The following CPZ variants were observed in gnomAD, a reference collection of about 807,000 sequenced individuals.
CPZ encodes the protein carboxypeptidase Z, also known as VEZT/CPZ fusion.
CPZ carries 103 observed loss-of-function variants against 61.8 expected under a neutral mutation model. That is an observed-to-expected ratio of 1.67 (90% confidence interval 1.42 to 1.96). CPZ has a LOEUF of 1.96. CPZ is among the 30% of genes most tolerant of loss of function. The pLI is 0.00. For missense variants in CPZ, 1,461 were observed against 914.9 expected, an observed-to-expected ratio of 1.60 and a Z score of -7.70; for synonymous variants, 551 against 373.7, an observed-to-expected ratio of 1.47 and a Z score of -5.47.
chr4:8,600,521 CT>C (rs1438557361), intron 2 of CPZ, among the ~76,000 whole-genome samples: 1 of 152,168 alleles, frequency 6.6e-6, no homozygotes, highest in Non-Finnish European at 1.5e-5. Flanking sequence ...AAAGATGGGG[CT>C]TTTGGAGCTA....
At chr4:8,596,080 G>GTT (rs1714155887) in intron 1 of CPZ, among the ~76,000 whole-genome samples, 1 of 150,700 alleles carries the variant, frequency 6.6e-6, no homozygotes, top group East Asian at 2.0e-4. Flanking sequence ...TCAAGATAGA[G>GTT]TCTCTCTGTC....
At chr4:8,607,055 C>T (rs956804456) in intron 6 of CPZ, among the ~76,000 whole-genome samples, 157 bp downstream of exon 6, 2 of 152,188 alleles carry the variant, frequency 1.3e-5, no homozygotes, top group Admixed American at 6.5e-5. Context: ...CACCTCCTTG[C>T]TGGGGTGTTG....
chr4:8,603,954 A>T (rs755621196), intron 3 of CPZ, 22 bp from the exon 4 acceptor site: 5 of 1,607,172 alleles, frequency 3.1e-6, no homozygotes, highest in Non-Finnish European at 4.3e-6. Flanking sequence ...ACACTGACTG[A>T]GCCCCCCCAC....
intron 1 of CPZ, among the ~76,000 whole-genome samples, chr4:8,594,570 G>A (rs910456934): frequency 2.0e-5 from 3 of 152,142 alleles, no homozygotes; most frequent in South Asian, 2.1e-4. Context: ...AGTTGAGGAG[G>A]GGGAGGACTG....
Position 8,612,181 on chromosome 4 carries a change from G to T in CPZ, c.1363+19G>T. On this transcript the variant is annotated intron_variant, in intron 8 of 10. Transcript: ENST00000360986. ...ACGGGAGGTGCGGCTTCCGCAGGGC[G>T]GGACTGGGCGGGGGGTGGGGGGTGC... is the stretch of plus-strand genomic sequence containing the variant. The T allele has an allele frequency of 1.9e-6, 2 of 1,050,312 alleles. No individual in the cohort carries two copies. The highest frequency in any genetic ancestry group is 2.5e-6 in the Non-Finnish European group (2 of 790,342). 65.1% of individuals were successfully genotyped at this position (1,050,312 alleles called of 1,614,324 possible). A position where few individuals can be genotyped will look rare whatever the true frequency, so the allele number is the denominator to read the frequency against.
chr4:8,605,886 T>G (rs950714319), intron 4 of CPZ, 103 bp from the exon 5 acceptor site: 2 of 1,120,614 alleles, frequency 1.8e-6, no homozygotes, highest in Non-Finnish European at 2.6e-6. Flanking sequence ...AAGTATGAAT[T>G]GGTCCCAGCC....
chr4:8,617,506 A>G (rs1400082538), intron 9 of CPZ, among the ~76,000 whole-genome samples: 2 of 152,226 alleles, frequency 1.3e-5, no homozygotes, highest in Admixed American at 1.3e-4. Context: ...AGTCGACATA[A>G]AGATGAATAT....
At chr4:8,609,445 T>C (rs185527213) in intron 7 of CPZ, among the ~76,000 whole-genome samples, 11 of 152,376 alleles carry the variant, frequency 7.2e-5, no homozygotes, top group African/African-American at 2.4e-4. Flanking sequence ...TCATTGACTC[T>C]TGCAGGTAGT....
chr4:8,614,225 C>T, intron 8 of CPZ, 134 bp from the exon 9 acceptor site: 2 of 1,257,660 alleles, frequency 1.6e-6, no homozygotes, highest in Non-Finnish European at 2.2e-6. Flanking sequence ...TGGCTGACAC[C>T]CCGACGTCCC....
intron 9 of CPZ, among the ~76,000 whole-genome samples, chr4:8,616,140 C>T (rs541781408): frequency 7.9e-5 from 12 of 152,354 alleles, no homozygotes; most frequent in Non-Finnish European, 1.6e-4. Context: ...GGGCAGCTCG[C>T]TGGCTGGCTC....
Position 8,601,503 on chromosome 4 carries a change from G to A in CPZ, c.496+6G>A, listed in dbSNP as rs371938466. 2.8e-4 allele frequency: 403 copies of A among 1,462,374 alleles called. No homozygotes were observed. Among genetic ancestry groups the A allele is most frequent in the Non-Finnish European group, 3.2e-4 (351 of 1,105,598 alleles). The allele number at this position is 1,462,374 out of a possible 1,614,324, so 90.6% of individuals were successfully genotyped here. On this transcript the variant is annotated splice_donor_region_variant and intron_variant, in intron 3 of 10. Coordinates refer to ENST00000360986, the MANE Select transcript of CPZ (RefSeq NM_001014447.3). Reference sequence around the variant, plus strand: ...CCCGCTGGAGAAGCTTCGGGGTAAGGGAAAGTGGCGGGGGCCTGTGTGGTC... The same window carrying A: ...CCCGCTGGAGAAGCTTCGGGGTAAGAGAAAGTGGCGGGGGCCTGTGTGGTC...
Position 8,612,178 on chromosome 4 carries a change from G to C in CPZ, c.1363+16G>C. 1 of 1,075,980 alleles carries C rather than the reference G, an allele frequency of 9.3e-7. No individual in the cohort carries two copies. 66.7% of individuals were successfully genotyped at this position (1,075,980 alleles called of 1,614,324 possible). The stretch of plus-strand genomic sequence containing the variant: ...TTCACGGGAGGTGCGGCTTCCGCAG[G>C]GCGGGACTGGGCGGGGGGTGGGGGG... On this transcript the variant is annotated intron_variant, in intron 8 of 10. Transcript: ENST00000360986.
chr4:8,619,224 G>A (rs944227653), intron 10 of CPZ, 38 bp from the exon 11 acceptor site: 4 of 1,548,662 alleles, frequency 2.6e-6, no homozygotes, highest in Non-Finnish European at 1.7e-6. Context: ...TGGGTCTGCA[G>A]TCCTCGTGAG....
intron 1 of CPZ, among the ~76,000 whole-genome samples, chr4:8,596,615 A>G (rs1714202449): frequency 6.6e-6 from 1 of 152,200 alleles, no homozygotes; most frequent in South Asian, 2.1e-4. Flanking sequence ...CTGTTGTATT[A>G]ATCTTGATGG....
Position 8,601,070 on chromosome 4 carries a change from T to C in CPZ, c.122-53T>C, listed in dbSNP as rs1714536254. The C allele has an allele frequency of 2.0e-6, 3 of 1,516,418 alleles. No homozygotes were observed. In the Admixed American group the frequency reaches 6.2e-5, roughly 31 times the overall value. The allele number at this position is 1,516,418 out of a possible 1,614,324, so 93.9% of individuals were successfully genotyped here. On this transcript the variant is annotated intron_variant, in intron 2 of 10. Coordinates refer to ENST00000360986, the MANE Select transcript of CPZ (RefSeq NM_001014447.3). The stretch of plus-strand genomic sequence containing the variant: ...GTCCCCTACGTAAATGTCTGATGCG[T>C]GACGGTCAGGGCCACTGCAGGAGGG...
Position 8,607,426 on chromosome 4 carries a change from G to T in CPZ, c.1227+1G>T. 1 of 1,613,814 alleles carries T rather than the reference G, an allele frequency of 6.2e-7. No individual in the cohort carries two copies. Among genetic ancestry groups the T allele is most frequent in the Non-Finnish European group, 8.5e-7 (1 of 1,179,870 alleles). ...GTTTTCTCCCACGCCCGACGAGAAGGTGAGAGGGCTGTCGGGTGTGTGCAG... is the reference window on the plus strand; with the variant it reads ...GTTTTCTCCCACGCCCGACGAGAAGTTGAGAGGGCTGTCGGGTGTGTGCAG... On this transcript the variant is annotated splice_donor_variant, in intron 7 of 10. Transcript: ENST00000360986. LOFTEE classifies it high-confidence loss of function.
chr4:8,596,192 C>G (rs1038288006), intron 1 of CPZ, among the ~76,000 whole-genome samples: 5 of 152,296 alleles, frequency 3.3e-5, no homozygotes, highest in Middle Eastern at 3.4e-3. Context: ...GCTGGGACTA[C>G]AGGTGTGTGC....
At chr4:8,612,514 C>T (rs549267871) in intron 8 of CPZ, among the ~76,000 whole-genome samples, 29 of 152,232 alleles carry the variant, frequency 1.9e-4, no homozygotes, top group Admixed American at 9.8e-4. Context: ...CCAGAGAGAC[C>T]GTGAGGAATT....
At chr4:8,610,342 C>A (rs1254060056) in intron 7 of CPZ, among the ~76,000 whole-genome samples, 1 of 152,224 alleles carries the variant, frequency 6.6e-6, no homozygotes, top group Non-Finnish European at 1.5e-5. Flanking sequence ...GGCCCCTGCA[C>A]CCCAGGGTTT....
Sources: gnomAD v4.1 joint callset for allele counts (sites outside exome capture counted in the v4.1 genomes callset) on GRCh38, gnomAD v4.1.1 for gene constraint, MANE v1.5 for transcripts, NCBI Gene and HGNC (gene_info 2026-07-23, HGNC 2026-07-21) for gene names.